RIF1: variants seen among roughly 807,000 people sequenced by gnomAD.
The protein encoded by RIF1 is telomere-associated protein RIF1.
Under a neutral mutation model 247.1 loss-of-function variants are expected in RIF1, and 45 were observed. The observed-to-expected ratio is 0.18, with a 90% CI of 0.14 to 0.23. The LOEUF is 0.23. Ranked by LOEUF, RIF1 falls within the 10% of genes least tolerant of loss-of-function variation. The pLI, the probability that RIF1 is intolerant of heterozygous loss-of-function variation, is 1.00. For missense variants in RIF1, 2,967 were observed against 2,862.5 expected (o/e 1.04, Z -0.83); for synonymous variants, 1,087 against 978.8 (o/e 1.11, Z -2.06).
In RIF1 at chr2:151,468,055, T is replaced by C; in HGVS notation, c.6656T>C (p.Ile2219Thr). The change falls in exon 31 of 36, where the codon ATT becomes ACT. Residue 2219 changes from isoleucine to threonine, a missense_variant. Around this residue, in one of 7 missense-constraint regions of RIF1, gnomAD observed 2,028 missense variants for 1,825.6 expected, o/e 1.11. Coordinates refer to ENST00000444746, the MANE Select transcript of RIF1 (RefSeq NM_018151.5). ...TACCAAGCAGGATTGGCAGATGACATTGATAGACGGTGCTCTATTGTTAGG... is the reference window on the plus strand; with the variant it reads ...TACCAAGCAGGATTGGCAGATGACACTGATAGACGGTGCTCTATTGTTAGG... ...PIYQAGLADDIDRRCSIVRSH... is the reference protein window; with the variant it reads ...PIYQAGLADDTDRRCSIVRSH... The C allele has an allele frequency of 6.2e-7, 1 of 1,613,840 alleles. No homozygotes were observed. Among genetic ancestry groups the C allele is most frequent in the Non-Finnish European group, 8.5e-7 (1 of 1,179,862 alleles).
chr2:151,493,569 A>G (rs2058170075), intron 9 of RIF1: 1 of 740,990 alleles, frequency 1.3e-6, no homozygotes, highest in African/African-American at 1.8e-5. Flanking sequence ...TAAAGCTATT[A>G]AAATGTTACG....
At chr2:151,439,998 A>AAAAAAAAAAAAACC in intron 14 of RIF1, 29 bp from the exon 15 acceptor site, 1 of 889,656 alleles carries the variant, frequency 1.1e-6, no homozygotes, top group Non-Finnish European at 1.8e-6. Context: ...AAAAAAAAGA[A>AAAAAAAAAAAAACC]CTATACCCTT....
At chr2:151,413,049 CTT>C (rs35203891) in intron 3 of RIF1, among the ~76,000 whole-genome samples, 4 of 144,584 alleles carry the variant, frequency 2.8e-5, no homozygotes. Context: ...CTATTGCATA[CTT>C]TTTTTTTTTT....
At chr2:151,492,690 T>C (rs1297214182) in intron 9 of RIF1, 5 of 397,008 alleles carry the variant, frequency 1.3e-5, no homozygotes, top group Non-Finnish European at 2.2e-5. Context: ...AGAAAGGACT[T>C]GTTTTGACTT....
rs1215024531 is a variant in RIF1 at position 151,465,450 on chromosome 2, A to G, written c.5930A>G (p.Asp1977Gly). 6.2e-7 allele frequency: 1 copy of G among 1,613,936 alleles called. No homozygotes were observed. The highest frequency in any genetic ancestry group is 8.5e-7 in the Non-Finnish European group (1 of 1,179,984). Residue 1977 changes from aspartate to glycine, a missense_variant, in exon 30 of 36, where the codon GAT becomes GGT. Coordinates refer to ENST00000444746, the MANE Select transcript of RIF1 (RefSeq NM_018151.5). ...TTTAATTCAGATATTAGTCTTTCTG[A>G]TAATACTACACCTGTAAAATTGAAT... ...EEFNSDISLS[D>G]NTTPVKLNAQ...
intron 16 of RIF1, among the ~76,000 whole-genome samples, chr2:151,442,897 G>A (rs892648480): frequency 2.7e-5 from 4 of 149,002 alleles, no homozygotes; most frequent in Non-Finnish European, 4.4e-5. Flanking sequence ...TCAGTCTCCC[G>A]AGTAGCTGGG....
At chr2:151,499,221 T>G in intron 10 of RIF1, 1 of 769,448 alleles carries the variant, frequency 1.3e-6, no homozygotes, top group Admixed American at 2.8e-5. Flanking sequence ...ATGAGTTGAT[T>G]AGATTTTTAA....
chr2:151,462,208 GT>G, intron 27 of RIF1, 33 bp from the exon 28 acceptor site: 1 of 1,368,418 alleles, frequency 7.3e-7, no homozygotes, highest in East Asian at 2.3e-5. Context: ...ATATCATCCG[GT>G]TTTTGAAGTT....
intron 13 of RIF1, among the ~76,000 whole-genome samples, chr2:151,437,612 GCC>G (rs2152345315): frequency 6.6e-6 from 1 of 152,264 alleles, no homozygotes; most frequent in African/African-American, 2.4e-5. Flanking sequence ...AATTGCTTGA[GCC>G]CAGGAGGTGG....
rs1201788394 is a variant in RIF1, at chr2:151,468,166, A to G, written c.6747+20A>G. On this transcript the variant is annotated intron_variant, in intron 31 of 35. Coordinates refer to ENST00000444746, the MANE Select transcript of RIF1 (RefSeq NM_018151.5). ...TCTAAGGTAAGCTATAGGCTTTAAA[A>G]TATACATATATGTATACCGACACAG... 6 of 1,582,800 alleles carry G rather than the reference A, an allele frequency of 3.8e-6. No individual in the cohort carries two copies. The highest frequency in any genetic ancestry group is 4.3e-6 in the Non-Finnish European group (5 of 1,158,096).
rs199895054 is a variant in RIF1, at chr2:151,465,949, A to G, written c.6429A>G (p.Ala2143=). 17 of 1,614,176 alleles carry G rather than the reference A, an allele frequency of 1.1e-5. No homozygotes were observed. Among genetic ancestry groups the G allele is most frequent in the African/African-American group, 2.7e-5 (2 of 75,056 alleles). Residue 2143 remains alanine, a synonymous_variant, in exon 30 of 36, where the codon GCA becomes GCG. Coordinates refer to ENST00000444746, the MANE Select transcript of RIF1 (RefSeq NM_018151.5). The stretch of plus-strand genomic sequence containing the variant: ...AGCTAATAATAGAAGACAATAATGC[A>G]TCTCCTCAAAAACTAAGGGAACTTG... ...ISELIIEDNN[A]SPQKLRELDP... is the part of the protein sequence containing the mutation.
chr2:151,527,001 C>G, the RIF1 span: 132 of 1,599,100 alleles, frequency 8.3e-5, no homozygotes, highest in Admixed American at 2.2e-3. Flanking sequence ...TTGAGGAACT[C>G]CCGGTCCAGC....
intron 34 of RIF1, among the ~76,000 whole-genome samples, chr2:151,471,693 T>C (rs1344124339): frequency 6.6e-6 from 1 of 152,196 alleles, no homozygotes; most frequent in East Asian, 1.9e-4. Context: ...TGTGTGGTAT[T>C]ATTTCTGAGG....
chr2:151,473,356 G>GCT (rs937592661), intron 34 of RIF1, among the ~76,000 whole-genome samples: 35 of 149,048 alleles, frequency 2.3e-4, no homozygotes, highest in African/African-American at 7.7e-4. Context: ...TGCAGGTGGG[G>GCT]CATGATCTCG....
At chr2:151,505,642 GT>G in intron 12 of RIF1, 1 of 1,257,294 alleles carries the variant, frequency 8.0e-7, no homozygotes, top group Non-Finnish European at 1.2e-6. Flanking sequence ...ACATGTACAT[GT>G]TTTTTGTAGC....
chr2:151,531,743 G>T, the RIF1 span: 1 of 1,377,972 alleles, frequency 7.3e-7, no homozygotes, highest in Non-Finnish European at 1.0e-6. Context: ...CTCCATGTTT[G>T]CAGATGCCCC....
chr2:151,487,224 C>T (rs750041475), intron 9 of RIF1, among the ~76,000 whole-genome samples: 5 of 152,054 alleles, frequency 3.3e-5, no homozygotes, highest in South Asian at 2.1e-4. Flanking sequence ...TGGGAGCATA[C>T]GAGTAGTAAA....
intron 7 of RIF1, 49 bp from the exon 8 acceptor site, chr2:151,422,901 T>G (rs1688417582): frequency 1.0e-6 from 1 of 965,062 alleles, no homozygotes; most frequent in Non-Finnish European, 1.6e-6. Flanking sequence ...TGGTATTGGA[T>G]TTTTTTTTCT....
intron 9 of RIF1, among the ~76,000 whole-genome samples, chr2:151,430,865 G>A (rs887000365): frequency 6.6e-6 from 1 of 152,044 alleles, no homozygotes; most frequent in African/African-American, 2.4e-5. Flanking sequence ...CGTTGCCCGG[G>A]CTAGTCTCGA....
Sources: allele counts gnomAD v4.1 joint callset (sites outside exome capture counted in the v4.1 genomes callset), GRCh38; gene constraint gnomAD v4.1.1; regional missense constraint gnomAD v4.1.1; transcripts MANE v1.5; gene names NCBI Gene and HGNC (gene_info 2026-07-23, HGNC 2026-07-21).